Variants in GCC2 observed in about 807,000 individuals in gnomAD.
GCC2 encodes the protein GRIP and coiled-coil domain-containing protein 2.
GCC2 carries 120 observed loss-of-function variants against 210.6 expected under a neutral mutation model. The ratio of observed to expected loss-of-function variants is 0.57; its 90% CI spans 0.49 to 0.66. The LOEUF (loss-of-function observed/expected upper bound fraction) is 0.66, where lower values mean the gene tolerates loss of function less well. GCC2 is among the 30% of genes least tolerant of loss of function. GCC2 has a pLI of 0.00. For synonymous variants in GCC2, 703 were observed against 652.7 expected (o/e 1.08, Z -1.17); for missense variants, 1,868 against 1,871.9 (o/e 1.00, Z 0.04).
Position 108,470,695 on chromosome 2 carries a change from AT to A in GCC2, c.1367del (p.Met456SerfsTer23), listed in dbSNP as rs1423349948. Reference protein sequence around the residue: ...SDSEKEKLTLMFEIQGLKEQC... With the variant: ...SDSEKEKLTLXFEIQGLKEQC... ...TTCAGAAAAAGAAAAATTAACATTAATGTTTGAAATACAGGGTCTTAAGGAA... is the reference window on the plus strand; with the variant it reads ...TTCAGAAAAAGAAAAATTAACATTAAGTTTGAAATACAGGGTCTTAAGGAA... On this transcript the variant is annotated frameshift_variant, in exon 6 of 23. Transcript: ENST00000309863. LOFTEE classifies it high-confidence loss of function. 1 of 1,609,968 alleles carries A rather than the reference AT, an allele frequency of 6.2e-7. No homozygotes were observed. Among genetic ancestry groups the A allele is most frequent in the South Asian group, 1.1e-5 (1 of 90,296 alleles).
chr2:108,471,834 CTA>C lies in GCC2; in HGVS notation c.2507_2508del (p.Tyr836Ter). ...AAGAACTTAAGTCTTTATTGAGAGACTATGAGCAAGAGAAAGTTCTCTTAAGG... is the reference window on the plus strand; with the variant it reads ...AAGAACTTAAGTCTTTATTGAGAGACTGAGCAAGAGAAAGTTCTCTTAAGG... ...CEELKSLLRD[Y>X]EQEKVLLRKE... On this transcript the variant is annotated frameshift_variant, in exon 6 of 23. Transcript: ENST00000309863. LOFTEE classifies it high-confidence loss of function. The C allele has an allele frequency of 6.2e-7, 1 of 1,613,344 alleles. No individual in the cohort carries two copies. The highest frequency in any genetic ancestry group is 8.5e-7 in the Non-Finnish European group (1 of 1,179,610).
intron 4 of GCC2, among the ~76,000 whole-genome samples, chr2:108,465,239 A>T (rs190977125): frequency 9.2e-5 from 14 of 152,306 alleles, no homozygotes; most frequent in Non-Finnish European, 8.8e-5. Flanking sequence ...GTATGTATGT[A>T]ATTATCTACT....
chr2:108,469,095 A>G lies in GCC2; in HGVS notation c.321+11A>G. The stretch of plus-strand genomic sequence containing the variant: ...AAGCAAGAGGTTGAGGTAAGTCAAT[A>G]TTTTAGTGTTCTTTTCTTTTTTATT... On this transcript the variant is annotated intron_variant, in intron 5 of 22. Coordinates refer to ENST00000309863, the MANE Select transcript of GCC2 (RefSeq NM_181453.4). 6.7e-7 allele frequency: 1 copy of G among 1,483,710 alleles called. No homozygotes were observed. Among genetic ancestry groups the G allele is most frequent in the Non-Finnish European group, 9.4e-7 (1 of 1,062,538 alleles). 91.9% of individuals were successfully genotyped at this position (1,483,710 alleles called of 1,614,324 possible). A position where few individuals can be genotyped will look rare whatever the true frequency, so the allele number is the denominator to read the frequency against.
intron 22 of GCC2, among the ~76,000 whole-genome samples, chr2:108,504,441 G>A (rs537825782): frequency 3.5e-4 from 53 of 152,252 alleles, no homozygotes; most frequent in African/African-American, 1.2e-3. Flanking sequence ...TCAAGCAGAT[G>A]TCATGAGCTG....
At chr2:108,495,257 A>G (rs755808368) in intron 19 of GCC2, 34 bp from the exon 20 acceptor site, 8 of 1,401,656 alleles carry the variant, frequency 5.7e-6, no homozygotes, top group South Asian at 3.7e-5. Flanking sequence ...ATTTTGAACA[A>G]TCTCACACTT....
intron 22 of GCC2, 171 bp from the exon 23 acceptor site, chr2:108,507,389 G>A (rs1246520987): frequency 1.3e-5 from 5 of 399,370 alleles, no homozygotes; most frequent in African/African-American, 4.8e-5. Context: ...GCAAGACCCT[G>A]TCTCAAAAAA....
intron 3 of GCC2, among the ~76,000 whole-genome samples, chr2:108,451,668 C>T (rs1679952393): frequency 6.6e-6 from 1 of 151,876 alleles, no homozygotes; most frequent in South Asian, 2.1e-4. Flanking sequence ...ATATTAACTG[C>T]TTAGCCTAAA....
Position 108,471,138 on chromosome 2 carries a change from G to A in GCC2, c.1809G>A (p.Leu603=). 1 of 1,588,396 alleles carries A rather than the reference G, an allele frequency of 6.3e-7. No homozygotes were observed. The highest frequency in any genetic ancestry group is 8.6e-7 in the Non-Finnish European group (1 of 1,162,132). The change falls in exon 6 of 23, where the codon CTG becomes CTA. Residue 603 remains leucine, a synonymous_variant. Coordinates refer to ENST00000309863, the MANE Select transcript of GCC2 (RefSeq NM_181453.4). ...TEEKDDFINK[L]KNSHEEMDNF... is the part of the protein sequence containing the mutation. ...AAAAAGATGATTTTATAAATAAACTGAAAAATTCCCATGAAGAAATGGATA... is the reference window on the plus strand; with the variant it reads ...AAAAAGATGATTTTATAAATAAACTAAAAAATTCCCATGAAGAAATGGATA...
intron 4 of GCC2, among the ~76,000 whole-genome samples, chr2:108,463,438 A>T (rs2718728): frequency 2.0e-5 from 3 of 152,092 alleles, no homozygotes; most frequent in African/African-American, 7.2e-5. Context: ...GTGCAATAGC[A>T]TAGGATCGGT....
chr2:108,483,733 C>T (rs1278440899), intron 12 of GCC2, among the ~76,000 whole-genome samples: 4 of 152,110 alleles, frequency 2.6e-5, no homozygotes, highest in Admixed American at 2.6e-4. Flanking sequence ...TGTTGTATGA[C>T]ACATTAAGAT....
Position 108,451,104 on chromosome 2 carries a change from G to A in GCC2, c.140G>A (p.Arg47Lys). 1 of 1,595,466 alleles carries A rather than the reference G, an allele frequency of 6.3e-7. No individual in the cohort carries two copies. Among genetic ancestry groups the A allele is most frequent in the Non-Finnish European group, 8.6e-7 (1 of 1,163,352 alleles). The change falls in exon 3 of 23, where the codon AGG becomes AAG. Residue 47 changes from arginine (R) to lysine (K), a missense_variant. Around this residue, in one of 3 missense-constraint regions of GCC2, gnomAD observed 1,847 missense variants for 1,765.2 expected, o/e 1.05. Transcript: ENST00000309863. ...QMMLIQKAKS[R>K]CTELEKEIEE... ...ATGCTAATACAGAAAGCTAAATCAA[G>A]GTGTACAGGTATTGGGTTGAAAATA...
intron 20 of GCC2, 191 bp downstream of exon 20, chr2:108,495,676 G>T (rs1682617584): frequency 5.0e-6 from 2 of 401,086 alleles, no homozygotes; most frequent in Non-Finnish European, 9.3e-6. Flanking sequence ...GGATGGGATG[G>T]ATGGATGGAT....
In GCC2 at chr2:108,507,543, T is replaced by TG. The variant is rs751139050; in HGVS notation, c.4985-16dup. 9 of 1,532,406 alleles carry TG rather than the reference T, an allele frequency of 5.9e-6. No homozygotes were observed. The East Asian group carries it at 1.6e-4, about 27-fold the overall frequency. 94.9% of individuals were successfully genotyped at this position (1,532,406 alleles called of 1,614,324 possible). ...TTTCTTTTATTTTTCTTTTTTTTTT[T>TG]GTTTTACTTTCCAAAGGTGAGGAAG... On this transcript the variant is annotated splice_polypyrimidine_tract_variant and intron_variant, in intron 22 of 22. Coordinates refer to ENST00000309863, the MANE Select transcript of GCC2 (RefSeq NM_181453.4).
intron 22 of GCC2, among the ~76,000 whole-genome samples, chr2:108,500,915 A>AT (rs966023462): frequency 7.9e-5 from 12 of 152,190 alleles, no homozygotes; most frequent in African/African-American, 2.6e-4. Context: ...TGCCTGTGTT[A>AT]TTGTGAATGT....
Position 108,497,418 on chromosome 2 carries a change from A to G in GCC2, c.4782+309A>G, listed in dbSNP as rs2104507915. 2.0e-5 allele frequency among the ~76,000 whole-genome samples: 3 copies of G among 152,316 alleles called. 1 individual carries two copies. In the Middle Eastern group the frequency reaches 0.01, roughly 518 times the overall value. Reference sequence around the variant, plus strand: ...GGCATGAGCCACTGCATCCAGCCAAAATACTTCTTTTACACCTATTACATA... The same window carrying G: ...GGCATGAGCCACTGCATCCAGCCAAGATACTTCTTTTACACCTATTACATA... On this transcript the variant is annotated intron_variant, in intron 21 of 22. Coordinates refer to ENST00000309863, the MANE Select transcript of GCC2 (RefSeq NM_181453.4).
rs1234624852 is a variant in GCC2 at position 108,495,277 on chromosome 2, A to C, written c.4448-14A>C. 10 of 1,564,008 alleles carry C rather than the reference A, an allele frequency of 6.4e-6. No homozygotes were observed. Among genetic ancestry groups the C allele is most frequent in the Non-Finnish European group, 8.6e-6 (10 of 1,156,830 alleles). Reference sequence around the variant, plus strand: ...GAACAATCTCACACTTAACCTTTTAAAAAAATCTAATAGGCCCAGTTTCCT... The same window carrying C: ...GAACAATCTCACACTTAACCTTTTACAAAAATCTAATAGGCCCAGTTTCCT... On this transcript the variant is annotated splice_polypyrimidine_tract_variant and intron_variant, in intron 19 of 22. Transcript: ENST00000309863.
intron 17 of GCC2, among the ~76,000 whole-genome samples, chr2:108,488,880 ATT>A: frequency 6.6e-6 from 1 of 152,254 alleles, no homozygotes; most frequent in South Asian, 2.1e-4. Flanking sequence ...GAAACATGGT[ATT>A]TTCTTTCCAG....
chr2:108,470,191 G>A lies in GCC2; in HGVS notation c.862G>A (p.Glu288Lys), dbSNP rs2104447981. Residue 288 changes from glutamate (E) to lysine (K), a missense_variant, in exon 6 of 23, where the codon GAA becomes AAA. Glu to Lys is a moderately conservative substitution (Grantham distance 56). Around this residue, in one of 3 missense-constraint regions of GCC2, gnomAD observed 1,847 missense variants for 1,765.2 expected, o/e 1.05. Transcript: ENST00000309863. ...CTTAGTAAAACAATGTGAGGCAAGT[G>A]AAAAGAACATCCAGAAGAAATATGA... is the stretch of plus-strand genomic sequence containing the variant. ...ENLVKQCEAS[E>K]KNIQKKYECE... is the part of the protein sequence containing the mutation. 6.2e-7 allele frequency: 1 copy of A among 1,613,274 alleles called. No homozygotes were observed. Among genetic ancestry groups the A allele is most frequent in the Middle Eastern group, 1.7e-4 (1 of 6,058 alleles).
At chr2:108,476,768 C>CT (rs1681551502) in intron 9 of GCC2, among the ~76,000 whole-genome samples, 1 of 152,040 alleles carries the variant, frequency 6.6e-6, no homozygotes, top group East Asian at 1.9e-4. Flanking sequence ...GGAGGTCAAC[C>CT]AAATAGACTG....
Sources: allele counts gnomAD v4.1 joint callset (sites outside exome capture counted in the v4.1 genomes callset), GRCh38; gene constraint gnomAD v4.1.1; regional missense constraint gnomAD v4.1.1; transcripts MANE v1.5; gene names NCBI Gene and HGNC (gene_info 2026-07-23, HGNC 2026-07-21).